CSMD1: variants seen among roughly 807,000 people sequenced by gnomAD.
CSMD1 encodes the protein CUB and sushi domain-containing protein 1.
Under a neutral mutation model 417.5 loss-of-function variants are expected in CSMD1, and 213 were observed. The ratio of observed to expected loss-of-function variants is 0.51; its 90% CI spans 0.46 to 0.57. The LOEUF (loss-of-function observed/expected upper bound fraction) is 0.57. Ranked by LOEUF, CSMD1 falls within the 20% of genes least tolerant of loss-of-function variation. CSMD1 has a pLI of 0.00. For missense variants in CSMD1, 6,923 were observed against 4,529.7 expected (o/e 1.53, Z -15.17); for synonymous variants, 2,862 against 1,736.8 (o/e 1.65, Z -16.11).
At chr8:3,905,131 A>G (rs1322530587) in intron 5 of CSMD1, among the ~76,000 whole-genome samples, 2 of 152,206 alleles carry the variant, frequency 1.3e-5, no homozygotes, top group African/African-American at 4.8e-5. Flanking sequence ...CAAGAAATTC[A>G]GAGAGAATCC....
intron 5 of CSMD1, among the ~76,000 whole-genome samples, chr8:3,900,440 A>C (rs987028400): frequency 6.6e-6 from 1 of 151,494 alleles, no homozygotes; most frequent in African/African-American, 2.4e-5. Flanking sequence ...GCTGGGTGAC[A>C]GCACAGCTGC....
chr8:3,990,124 T>G (rs1183970197), intron 5 of CSMD1, among the ~76,000 whole-genome samples: 1 of 152,242 alleles, frequency 6.6e-6, no homozygotes, highest in African/African-American at 2.4e-5. Context: ...GAAATTTATT[T>G]AACAGCGTTA....
At chr8:3,474,547 T>C (rs1038639178) in intron 11 of CSMD1, among the ~76,000 whole-genome samples, 9 of 152,232 alleles carry the variant, frequency 5.9e-5, no homozygotes, top group African/African-American at 2.2e-4. Flanking sequence ...TCACATTTAC[T>C]TAAATGTTTA....
At chr8:4,537,059 G>C (rs924559529) in intron 2 of CSMD1, among the ~76,000 whole-genome samples, 2 of 152,108 alleles carry the variant, frequency 1.3e-5, no homozygotes, top group Non-Finnish European at 2.9e-5. Flanking sequence ...AACCTGCTTA[G>C]ACAATCAAAG....
At chr8:4,502,254 T>A (rs532653796) in intron 2 of CSMD1, among the ~76,000 whole-genome samples, 6 of 152,242 alleles carry the variant, frequency 3.9e-5, no homozygotes, top group African/African-American at 1.4e-4. Flanking sequence ...AAGTTCTGGG[T>A]GCACATTCTT....
chr8:3,424,737 A>G (rs73657897), intron 12 of CSMD1, among the ~76,000 whole-genome samples: 13 of 152,348 alleles, frequency 8.5e-5, no homozygotes, highest in Middle Eastern at 3.4e-3. Flanking sequence ...TATCAGGTCA[A>G]CTGTCAAGGA....
chr8:4,835,346 G>C (rs759977595), intron 1 of CSMD1, among the ~76,000 whole-genome samples: 2 of 152,174 alleles, frequency 1.3e-5, no homozygotes, highest in Admixed American at 6.5e-5. Context: ...ATGCAAAGAG[G>C]TAATATTCCA....
At chr8:4,056,181 G>A (rs562902543) in intron 3 of CSMD1, among the ~76,000 whole-genome samples, 2 of 140,862 alleles carry the variant, frequency 1.4e-5, no homozygotes, top group South Asian at 2.4e-4. Flanking sequence ...TCTTGGGTTC[G>A]AGCAATTCTC....
At chr8:4,202,796 A>C (rs1563266407) in intron 3 of CSMD1, among the ~76,000 whole-genome samples, 1 of 152,226 alleles carries the variant, frequency 6.6e-6, no homozygotes, top group Non-Finnish European at 1.5e-5. Flanking sequence ...CTGAGGATTC[A>C]AACGTCAGAA....
intron 54 of CSMD1, among the ~76,000 whole-genome samples, chr8:2,986,036 C>T (rs1011117668): frequency 7.0e-6 from 1 of 142,868 alleles, no homozygotes; most frequent in Non-Finnish European, 1.5e-5. Context: ...AAAACCGTCT[C>T]CATAGAAGAA....
At chr8:3,418,608 T>C (rs972550471) in intron 12 of CSMD1, among the ~76,000 whole-genome samples, 8 of 152,164 alleles carry the variant, frequency 5.3e-5, no homozygotes, top group African/African-American at 1.9e-4. Context: ...ATGTCCTGTG[T>C]CTCAGCTCAA....
chr8:2,951,510 T>C (rs967245229), intron 65 of CSMD1, among the ~76,000 whole-genome samples: 1 of 152,166 alleles, frequency 6.6e-6, no homozygotes. Flanking sequence ...GTTTCTTTTA[T>C]TATTATTAGA....
At chr8:4,863,103 G>C (rs913938652) in intron 1 of CSMD1, among the ~76,000 whole-genome samples, 1 of 152,148 alleles carries the variant, frequency 6.6e-6, no homozygotes, top group Admixed American at 6.5e-5. Context: ...AAGCTCAGTG[G>C]CTAGGATCAT....
At chr8:4,131,357 G>C (rs1261784325) in intron 3 of CSMD1, among the ~76,000 whole-genome samples, 2 of 152,036 alleles carry the variant, frequency 1.3e-5, no homozygotes, top group Non-Finnish European at 1.5e-5. Flanking sequence ...ACACCTACAC[G>C]CTCCTCAAAA....
At chr8:3,553,631 G>C (rs1799014835) in intron 10 of CSMD1, among the ~76,000 whole-genome samples, 1 of 152,160 alleles carries the variant, frequency 6.6e-6, no homozygotes, top group Non-Finnish European at 1.5e-5. Context: ...GCTAATGACA[G>C]TAAAATCTTG....
chr8:3,695,637 G>A (rs1800508852), intron 7 of CSMD1, among the ~76,000 whole-genome samples: 1 of 152,126 alleles, frequency 6.6e-6, no homozygotes, highest in Non-Finnish European at 1.5e-5. Flanking sequence ...ATCCAGAAAG[G>A]AAATTTAGGT....
At chr8:3,129,309 G>C (rs1817669415) in intron 41 of CSMD1, among the ~76,000 whole-genome samples, 1 of 152,198 alleles carries the variant, frequency 6.6e-6, no homozygotes. Context: ...GTCAACCAAA[G>C]CAATTGTCTG....
At chr8:3,355,206 AT>A (rs1808702386) in intron 21 of CSMD1, among the ~76,000 whole-genome samples, 1 of 152,128 alleles carries the variant, frequency 6.6e-6, no homozygotes, top group East Asian at 1.9e-4. Context: ...TTTTAAAAAA[AT>A]CTCTTACTAG....
At chr8:4,012,594 G>A (rs1796321393) in intron 4 of CSMD1, among the ~76,000 whole-genome samples, 1 of 151,934 alleles carries the variant, frequency 6.6e-6, no homozygotes, top group Admixed American at 6.6e-5. Context: ...CCCTCAGTAG[G>A]CCTCAGTGAC....
Sources: gnomAD v4.1 joint callset for allele counts (sites outside exome capture counted in the v4.1 genomes callset) on GRCh38, gnomAD v4.1.1 for gene constraint, MANE v1.5 for transcripts, NCBI Gene and HGNC (gene_info 2026-07-23, HGNC 2026-07-21) for gene names.